Variants in EPHA6 observed in about 807,000 individuals in gnomAD.
EPHA6 encodes the protein EPH receptor A6.
EPHA6 carries 50 observed loss-of-function variants against 112.0 expected under a neutral mutation model. The ratio of observed to expected loss-of-function variants is 0.45; its 90% CI spans 0.36 to 0.56. The LOEUF is 0.56. Among genes scored for constraint, EPHA6 ranks in the 20% least tolerant of loss-of-function variants. EPHA6 has a pLI of 0.00. For synonymous variants in EPHA6, 529 were observed against 490.7 expected (o/e 1.08, Z -1.03); for missense variants, 1,280 against 1,417.4 (o/e 0.90, Z 1.56).
At chr3:97,056,704 A>G (rs2045864738) in intron 3 of EPHA6, among the ~76,000 whole-genome samples, 1 of 152,184 alleles carries the variant, frequency 6.6e-6, no homozygotes, top group Admixed American at 6.5e-5. Context: ...AAGTGTTTTA[A>G]CATAGTGGTT....
chr3:97,151,559 C>T (rs2076172192), intron 3 of EPHA6, among the ~76,000 whole-genome samples: 1 of 152,012 alleles, frequency 6.6e-6, no homozygotes, highest in Admixed American at 6.6e-5. Context: ...CAGCACACAC[C>T]ATCAACATAG....
At chr3:96,846,244 G>A (rs554402288) in intron 1 of EPHA6, among the ~76,000 whole-genome samples, 3 of 152,048 alleles carry the variant, frequency 2.0e-5, no homozygotes, top group South Asian at 4.1e-4. Flanking sequence ...GTCCCATAGC[G>A]GTAATTCTCA....
intron 2 of EPHA6, among the ~76,000 whole-genome samples, chr3:96,881,642 T>C (rs1380887553): frequency 6.6e-6 from 1 of 152,162 alleles, no homozygotes; most frequent in Non-Finnish European, 1.5e-5. Flanking sequence ...AAACCAATCA[T>C]GCCTTCCCAA....
chr3:97,153,895 G>A (rs990117676), intron 3 of EPHA6, among the ~76,000 whole-genome samples: 1 of 152,146 alleles, frequency 6.6e-6, no homozygotes, highest in African/African-American at 2.4e-5. Flanking sequence ...GCTGAGTGCA[G>A]TGGGTCGCTC....
At chr3:97,045,492 C>T (rs2045473648) in intron 3 of EPHA6, among the ~76,000 whole-genome samples, 3 of 151,462 alleles carry the variant, frequency 2.0e-5, no homozygotes, top group Admixed American at 2.0e-4. Context: ...TTTTTCTTTC[C>T]TTCCTGGGAA....
At chr3:97,139,666 A>G (rs920243424) in intron 3 of EPHA6, among the ~76,000 whole-genome samples, 6 of 152,092 alleles carry the variant, frequency 3.9e-5, no homozygotes, top group Non-Finnish European at 5.9e-5. Context: ...CAACACTCCC[A>G]CCCTCGGGGG....
Position 97,592,664 on chromosome 3 carries a change from A to G in EPHA6, c.2439A>G (p.Ala813=). ...CGTTTTGCCCCAGCTTCCTGAGGGC[A>G]GGGTTTTTAAATAGCATCCAGGCCC... ...VEAFCPSFLR[A]GFLNSIQAPH... is the part of the protein sequence containing the mutation. The change falls in exon 12 of 18, where the codon GCA becomes GCG. Residue 813 remains alanine, a synonymous_variant. Coordinates refer to ENST00000389672, the MANE Select transcript of EPHA6 (RefSeq NM_001080448.3). 6.2e-7 allele frequency: 1 copy of G among 1,613,582 alleles called. No homozygotes were observed. Among genetic ancestry groups the G allele is most frequent in the Non-Finnish European group, 8.5e-7 (1 of 1,179,778 alleles).
intron 14 of EPHA6, among the ~76,000 whole-genome samples, chr3:97,641,357 A>AT (rs2094002036): frequency 6.6e-6 from 1 of 152,184 alleles, no homozygotes; most frequent in Non-Finnish European, 1.5e-5. Context: ...CCTACTGAAG[A>AT]TACAAGTCAA....
At chr3:97,085,551 T>C (rs894075097) in intron 3 of EPHA6, among the ~76,000 whole-genome samples, 28 of 152,128 alleles carry the variant, frequency 1.8e-4, no homozygotes, top group African/African-American at 6.5e-4. Flanking sequence ...TTTATATGAA[T>C]TAGACATCAC....
intron 10 of EPHA6, among the ~76,000 whole-genome samples, chr3:97,515,446 A>T (rs916517452): frequency 5.9e-5 from 9 of 152,118 alleles, no homozygotes; most frequent in African/African-American, 1.9e-4. Flanking sequence ...GGTCACAAAA[A>T]TTTTTTTTAT....
intron 11 of EPHA6, among the ~76,000 whole-genome samples, chr3:97,542,917 C>T (rs2092885912): frequency 6.6e-6 from 1 of 152,136 alleles, no homozygotes; most frequent in Admixed American, 6.5e-5. Context: ...CTGTTCATAT[C>T]CTTTGCCCAC....
At position 96,930,865 on chromosome 3, in the gene EPHA6, G is replaced by A. The variant is rs545833307; in HGVS notation, c.451-56465G>A. Among the ~76,000 whole-genome samples, 9 of 151,724 alleles carry A rather than the reference G, an allele frequency of 5.9e-5. No homozygotes were observed. In the East Asian group the frequency reaches 7.8e-4, roughly 13 times the overall value. ...AAATTAGCCAGGCATGGTGGCATGCGCCTGTAATCCCAGCTATTCAGTGGA... is the reference window on the plus strand; with the variant it reads ...AAATTAGCCAGGCATGGTGGCATGCACCTGTAATCCCAGCTATTCAGTGGA... On this transcript the variant is annotated intron_variant, in intron 2 of 17. Coordinates refer to ENST00000389672, the MANE Select transcript of EPHA6 (RefSeq NM_001080448.3).
chr3:97,307,549 G>A (rs72926305), intron 5 of EPHA6, among the ~76,000 whole-genome samples: 1,592 of 150,830 alleles, frequency 0.011, 32 homozygotes, highest in African/African-American at 0.035. Flanking sequence ...ACTGAGATAC[G>A]TATTTTAGTT....
At chr3:97,314,232 A>C (rs1456924976) in intron 5 of EPHA6, among the ~76,000 whole-genome samples, 2 of 151,588 alleles carry the variant, frequency 1.3e-5, no homozygotes, top group African/African-American at 4.8e-5. Context: ...CCTATTGGCC[A>C]GTGTATCATT....
intron 3 of EPHA6, among the ~76,000 whole-genome samples, chr3:97,035,301 C>T (rs2045046881): frequency 6.6e-6 from 1 of 151,886 alleles, no homozygotes; most frequent in Admixed American, 6.6e-5. Flanking sequence ...AAGTACCTTA[C>T]CTTTTCTGCA....
chr3:97,558,499 G>A (rs769801951), intron 11 of EPHA6, among the ~76,000 whole-genome samples: 8 of 151,932 alleles, frequency 5.3e-5, no homozygotes, highest in Non-Finnish European at 8.8e-5. Context: ...CTCTCCCAAT[G>A]CTATGAGTGT....
intron 3 of EPHA6, among the ~76,000 whole-genome samples, chr3:97,117,978 A>T (rs1332747888): frequency 6.6e-6 from 1 of 151,838 alleles, no homozygotes; most frequent in East Asian, 1.9e-4. Flanking sequence ...TAGTGCAATG[A>T]ATATCTCTTT....
chr3:97,562,123 G>T (rs560547075), intron 11 of EPHA6, among the ~76,000 whole-genome samples: 73 of 152,170 alleles, frequency 4.8e-4, no homozygotes, highest in African/African-American at 1.7e-3. Context: ...TGTTATTTTC[G>T]TGCCTGCTTA....
At chr3:97,316,405 A>G (rs1392466551) in intron 5 of EPHA6, among the ~76,000 whole-genome samples, 1 of 152,016 alleles carries the variant, frequency 6.6e-6, no homozygotes, top group East Asian at 1.9e-4. Flanking sequence ...AGGAACACCA[A>G]TCAAGAAGAT....
Sources: gnomAD v4.1 joint callset for allele counts (sites outside exome capture counted in the v4.1 genomes callset) on GRCh38, gnomAD v4.1.1 for gene constraint, MANE v1.5 for transcripts, NCBI Gene and HGNC (gene_info 2026-07-23, HGNC 2026-07-21) for gene names.